Variants in MARCHF11 observed in about 807,000 individuals in gnomAD.
The protein encoded by MARCHF11 is membrane associated ring-CH-type finger 11.
MARCHF11 carries 29 observed loss-of-function variants against 37.3 expected under a neutral mutation model. The observed-to-expected ratio is 0.78, with a 90% CI of 0.58 to 1.06. The LOEUF (loss-of-function observed/expected upper bound fraction) is 1.06. Among genes scored for constraint, MARCHF11 ranks in the 50% least tolerant of loss-of-function variants. The pLI, the probability that MARCHF11 is intolerant of heterozygous loss-of-function variation, is 0.00. For missense variants in MARCHF11, 482 were observed against 533.4 expected (o/e 0.90, Z 0.95); for synonymous variants, 233 against 228.0 (o/e 1.02, Z -0.20).
At chr5:16,089,367 C>T (rs895795111) in intron 3 of MARCHF11, among the ~76,000 whole-genome samples, 2 of 152,032 alleles carry the variant, frequency 1.3e-5, no homozygotes, top group African/African-American at 2.4e-5. Flanking sequence ...TAGAGCAATG[C>T]CCTAGAGATT....
At chr5:16,100,380 G>C (rs1404812295) in intron 2 of MARCHF11, among the ~76,000 whole-genome samples, 1 of 152,212 alleles carries the variant, frequency 6.6e-6, no homozygotes, top group Non-Finnish European at 1.5e-5. Context: ...GGCCATGGAG[G>C]CAGCAAAAGG....
At chr5:16,084,152 A>C (rs1024005068) in intron 3 of MARCHF11, among the ~76,000 whole-genome samples, 1 of 152,242 alleles carries the variant, frequency 6.6e-6, no homozygotes, top group African/African-American at 2.4e-5. Flanking sequence ...AAAAAATGTA[A>C]ATATATGTCC....
At position 16,113,889 on chromosome 5, in the gene MARCHF11, T is replaced by C. The variant is rs1579389334; in HGVS notation, c.694-22808A>G. ...CTAGATCTTATTTCTTCTATCTAAC[T>C]GTATGTTTGTACCCAAACCTATCTC... On this transcript the variant is annotated intron_variant, in intron 2 of 3. Transcript: ENST00000332432. Among the ~76,000 whole-genome samples, 3 of 152,332 alleles carry C rather than the reference T, an allele frequency of 2.0e-5. No individual in the cohort carries two copies. In the South Asian group the frequency reaches 6.2e-4, roughly 32 times the overall value.
chr5:16,179,609 C>A lies in MARCHF11; in HGVS notation c.-34G>T. The A allele has an allele frequency of 1.9e-6, 2 of 1,046,428 alleles. No individual in the cohort carries two copies. The highest frequency in any genetic ancestry group is 9.0e-5 in the South Asian group (2 of 22,222). The allele number at this position is 1,046,428 out of a possible 1,614,324, so 64.8% of individuals were successfully genotyped here. On this transcript the variant is annotated 5_prime_UTR_variant, in exon 1 of 4. Coordinates refer to ENST00000332432, the MANE Select transcript of MARCHF11 (RefSeq NM_001102562.3). ...CGCCGCCGCCCTCCTGCCGGCCCGG[C>A]TGGCGGGCCGGGCTCTGGCTGCAGG...
intron 3 of MARCHF11, among the ~76,000 whole-genome samples, chr5:16,089,905 C>T (rs1442770375): frequency 6.6e-6 from 1 of 152,172 alleles, no homozygotes; most frequent in Non-Finnish European, 1.5e-5. Context: ...ATGAAGGTGA[C>T]CTGCCCTGGC....
In MARCHF11 at chr5:16,099,434, A is replaced by G. The variant is rs146802156; in HGVS notation, c.694-8353T>C. 2.8e-3 allele frequency among the ~76,000 whole-genome samples: 424 copies of G among 152,308 alleles called. 5 individuals are homozygous for G. Among genetic ancestry groups the G allele is most frequent in the African/African-American group, 9.2e-3 (384 of 41,584 alleles). On this transcript the variant is annotated intron_variant, in intron 2 of 3. Coordinates refer to ENST00000332432, the MANE Select transcript of MARCHF11 (RefSeq NM_001102562.3). ...ACTTTGTTGATTTTTCACTGATGTA[A>G]TTTCATTAAAAACATTTTTAAATGC... is the stretch of plus-strand genomic sequence containing the variant.
chr5:16,067,616 T>C lies in MARCHF11; in HGVS notation c.1064A>G (p.Asn355Ser). ...GGTTAACTGAGTTGGGTGGACCAAG[T>C]TTCTGTTCCGCAGAGCTGTCAATGG... ...WLPLTALRNR[N>S]LVHPTQLTSP... Residue 355 changes from asparagine (N) to serine (S), a missense_variant, in exon 4 of 4, where the codon AAC (asparagine) becomes AGC (serine). Asn to Ser is a conservative substitution (Grantham distance 46). Transcript: ENST00000332432. 3 of 1,613,924 alleles carry C rather than the reference T, an allele frequency of 1.9e-6. No individual in the cohort carries two copies. The highest frequency in any genetic ancestry group is 8.5e-7 in the Non-Finnish European group (1 of 1,179,830).
At chr5:16,134,848 A>G (rs2126587006) in intron 2 of MARCHF11, among the ~76,000 whole-genome samples, 1 of 152,328 alleles carries the variant, frequency 6.6e-6, no homozygotes, top group South Asian at 2.1e-4. Context: ...AGAAAACTTG[A>G]TAAAAAATTT....
intron 2 of MARCHF11, among the ~76,000 whole-genome samples, chr5:16,177,329 T>C (rs896299079): frequency 1.3e-5 from 2 of 152,214 alleles, no homozygotes; most frequent in South Asian, 4.1e-4. Flanking sequence ...CTTGTATCTG[T>C]TCTCCATAAA....
At chr5:16,103,402 G>A (rs370540132) in intron 2 of MARCHF11, among the ~76,000 whole-genome samples, 33 of 152,252 alleles carry the variant, frequency 2.2e-4, no homozygotes, top group Non-Finnish European at 3.2e-4. Flanking sequence ...TAGAATCCAC[G>A]TGAGCAAGCT....
At chr5:16,068,145 T>C (rs1215154854) in intron 3 of MARCHF11, among the ~76,000 whole-genome samples, 1 of 152,216 alleles carries the variant, frequency 6.6e-6, no homozygotes, top group Non-Finnish European at 1.5e-5. Context: ...GTGCTCATTG[T>C]GTGGCCAAGC....
At chr5:16,078,739 CTCT>C (rs1736560192) in intron 3 of MARCHF11, among the ~76,000 whole-genome samples, 1 of 152,150 alleles carries the variant, frequency 6.6e-6, no homozygotes, top group African/African-American at 2.4e-5. Context: ...GGACAGGTGG[CTCT>C]TCTTGTAATG....
At chr5:16,118,305 G>C (rs1737254517) in intron 2 of MARCHF11, among the ~76,000 whole-genome samples, 1 of 152,216 alleles carries the variant, frequency 6.6e-6, no homozygotes, top group Non-Finnish European at 1.5e-5. Context: ...TGGGTTTTAG[G>C]GTGAGAAGTG....
chr5:16,153,646 A>G (rs1737923967), intron 2 of MARCHF11, among the ~76,000 whole-genome samples: 1 of 152,020 alleles, frequency 6.6e-6, no homozygotes. Flanking sequence ...ACATATTGAT[A>G]GAATTGGTTA....
chr5:16,091,003 T>C lies in MARCHF11; in HGVS notation c.772A>G (p.Ser258Gly), dbSNP rs1463331167. The part of the protein sequence containing the change: ...VILGSLFLIA[S>G]VTWLLWSAFS... The stretch of plus-strand genomic sequence containing the variant: ...GCTGACCAGAGGAGCCAAGTCACAC[T>C]GGCTATTAAGAACAGGGATCCTAGG... The change falls in exon 3 of 4, where the codon AGT becomes GGT. Residue 258 changes from serine (S) to glycine (G), a missense_variant. By Grantham distance (56) the Ser-to-Gly change is moderately conservative. Transcript: ENST00000332432. 6.2e-7 allele frequency: 1 copy of C among 1,612,270 alleles called. No homozygotes were observed. The highest frequency in any genetic ancestry group is 8.5e-7 in the Non-Finnish European group (1 of 1,179,304).
At chr5:16,111,077 A>G (rs185293770) in intron 2 of MARCHF11, among the ~76,000 whole-genome samples, 18 of 152,324 alleles carry the variant, frequency 1.2e-4, no homozygotes, top group Admixed American at 9.1e-4. Flanking sequence ...TGAGTCCATT[A>G]AACCTCTTTT....
intron 2 of MARCHF11, among the ~76,000 whole-genome samples, chr5:16,109,096 T>C (rs1737093513): frequency 7.3e-6 from 1 of 137,902 alleles, no homozygotes; most frequent in Non-Finnish European, 1.5e-5. Flanking sequence ...ATCTGTGACA[T>C]AAGAAATACA....
chr5:16,076,343 T>A (rs1033707812), intron 3 of MARCHF11, among the ~76,000 whole-genome samples: 2 of 152,218 alleles, frequency 1.3e-5, no homozygotes, highest in Non-Finnish European at 2.9e-5. Context: ...AAAATTGTTA[T>A]ATTATCTAAG....
intron 2 of MARCHF11, among the ~76,000 whole-genome samples, chr5:16,123,156 G>A (rs1256528183): frequency 6.6e-6 from 1 of 152,166 alleles, no homozygotes; most frequent in African/African-American, 2.4e-5. Context: ...GCTGAACTGT[G>A]ACCTCTCAGA....
Sources: allele counts gnomAD v4.1 joint callset (sites outside exome capture counted in the v4.1 genomes callset), GRCh38; gene constraint gnomAD v4.1.1; transcripts MANE v1.5; gene names NCBI Gene and HGNC (gene_info 2026-07-23, HGNC 2026-07-21).